The following IQCM variants were observed in gnomAD, a reference collection of about 807,000 sequenced individuals.
The protein encoded by IQCM is IQ motif containing M, also known as IQ domain-containing protein M.
Under a neutral mutation model 57.6 loss-of-function variants are expected in IQCM, and 45 were observed. The ratio of observed to expected loss-of-function variants is 0.78; its 90% confidence interval spans 0.62 to 1.00. IQCM has a LOEUF of 1.00. Among genes scored for constraint, IQCM ranks in the 50% least tolerant of loss-of-function variants. The probability of loss-of-function intolerance (pLI) is 0.00; values close to 1 mark genes in which losing one functional copy is unlikely to be tolerated. For missense variants in IQCM, 468 were observed against 511.6 expected (o/e 0.91, Z 0.82); for synonymous variants, 148 against 158.9 (o/e 0.93, Z 0.51).
intron 13 of IQCM, among the ~76,000 whole-genome samples, chr4:149,383,830 T>A (rs1345193872): frequency 1.3e-5 from 2 of 152,036 alleles, no homozygotes; most frequent in Non-Finnish European, 2.9e-5. Context: ...TGCATGGCTG[T>A]AATCCCAGCT....
At chr4:149,486,690 G>C (rs1741559343) in intron 12 of IQCM, among the ~76,000 whole-genome samples, 1 of 152,174 alleles carries the variant, frequency 6.6e-6, no homozygotes, top group Non-Finnish European at 1.5e-5. Flanking sequence ...AGGTTGCAGT[G>C]AGCCAAGATT....
rs1321247485 is a variant in IQCM at position 149,481,147 on chromosome 4, T to G, written c.1229-47590A>C. Among the ~76,000 whole-genome samples, 11 of 152,304 alleles carry G rather than the reference T, an allele frequency of 7.2e-5. No homozygotes were observed. In the South Asian group the frequency reaches 2.3e-3, roughly 32 times the overall value. ...AGTTGTTTGAACACCTTCTATATTT[T>G]GGTTATTAATCCCTTGTCAGGTGGA... On this transcript the variant is annotated intron_variant, in intron 12 of 13. Coordinates refer to ENST00000636793, the MANE Select transcript of IQCM (RefSeq NM_001363507.2).
chr4:149,584,058 C>A (rs1016548081), intron 9 of IQCM, among the ~76,000 whole-genome samples: 5 of 151,326 alleles, frequency 3.3e-5, no homozygotes, highest in African/African-American at 1.2e-4. Context: ...AAATTAAGAA[C>A]AACATTTATT....
At chr4:149,674,953 A>C (rs990285825) in intron 7 of IQCM, among the ~76,000 whole-genome samples, 1 of 152,104 alleles carries the variant, frequency 6.6e-6, no homozygotes, top group East Asian at 1.9e-4. Context: ...AATTGTCAGC[A>C]TATAGGTGGT....
intron 12 of IQCM, among the ~76,000 whole-genome samples, chr4:149,441,673 T>C (rs961841373): frequency 2.0e-5 from 3 of 152,136 alleles, no homozygotes; most frequent in Admixed American, 1.3e-4. Context: ...GTTCTACTGA[T>C]TTAAATTTTT....
At chr4:149,500,665 C>T (rs772098139) in intron 12 of IQCM, among the ~76,000 whole-genome samples, 3 of 152,128 alleles carry the variant, frequency 2.0e-5, no homozygotes, top group Non-Finnish European at 4.4e-5. Flanking sequence ...AAAGAAAATA[C>T]TGGGACAGGT....
intron 12 of IQCM, among the ~76,000 whole-genome samples, chr4:149,455,134 C>T (rs566442677): frequency 1.3e-5 from 2 of 152,124 alleles, no homozygotes; most frequent in African/African-American, 2.4e-5. Flanking sequence ...ATGTATGATA[C>T]GTTTATTAGA....
intron 12 of IQCM, among the ~76,000 whole-genome samples, chr4:149,494,982 A>T (rs1742503863): frequency 6.6e-6 from 1 of 152,040 alleles, no homozygotes; most frequent in Non-Finnish European, 1.5e-5. Flanking sequence ...GGTCTTCAGG[A>T]TTGGAACTGG....
chr4:149,528,293 A>G (rs896688752), intron 12 of IQCM, among the ~76,000 whole-genome samples: 15 of 152,030 alleles, frequency 9.9e-5, no homozygotes, highest in African/African-American at 3.6e-4. Context: ...GCCTATCTTG[A>G]TTTTTAAATA....
chr4:149,757,785 T>A (rs1247692191), intron 2 of IQCM, among the ~76,000 whole-genome samples: 1 of 151,652 alleles, frequency 6.6e-6, no homozygotes, highest in Non-Finnish European at 1.5e-5. Flanking sequence ...GCAGAAAAAA[T>A]ACATATTCTT....
chr4:149,494,305 G>A (rs1181006320), intron 12 of IQCM, among the ~76,000 whole-genome samples: 1 of 151,902 alleles, frequency 6.6e-6, no homozygotes, highest in Non-Finnish European at 1.5e-5. Context: ...AACAAATAAG[G>A]GAATATAAAG....
At chr4:149,454,679 A>T (rs1050260813) in intron 12 of IQCM, among the ~76,000 whole-genome samples, 1 of 152,068 alleles carries the variant, frequency 6.6e-6, no homozygotes, top group Admixed American at 6.6e-5. Flanking sequence ...GTAATAAAAA[A>T]CAGTGAAGTA....
intron 12 of IQCM, among the ~76,000 whole-genome samples, chr4:149,451,860 C>G (rs1737156240): frequency 6.6e-6 from 1 of 151,582 alleles, no homozygotes; most frequent in African/African-American, 2.4e-5. Flanking sequence ...AGTGGTGATT[C>G]CACCTAGTGC....
chr4:149,370,426 A>G (rs1050394649), intron 13 of IQCM, among the ~76,000 whole-genome samples: 2 of 152,164 alleles, frequency 1.3e-5, no homozygotes, highest in African/African-American at 4.8e-5. Flanking sequence ...ATTTCTCAAT[A>G]AACTTTAGCT....
intron 7 of IQCM, among the ~76,000 whole-genome samples, chr4:149,622,443 C>T (rs1026018264): frequency 1.3e-5 from 2 of 151,368 alleles, no homozygotes; most frequent in African/African-American, 2.4e-5. Flanking sequence ...CCCAGGTTCA[C>T]GCCGTTCTCC....
chr4:149,439,602 A>G (rs7668351), intron 12 of IQCM, among the ~76,000 whole-genome samples: 57,335 of 151,834 alleles, frequency 0.38, 11,870 homozygotes, highest in East Asian at 0.51. Context: ...TGTACTGGAA[A>G]TAATACAAAC....
chr4:149,616,062 A>G (rs1755766249), intron 8 of IQCM, among the ~76,000 whole-genome samples: 3 of 152,178 alleles, frequency 2.0e-5, no homozygotes, highest in Admixed American at 2.0e-4. Context: ...AAAATTAAAC[A>G]GAGAAATACA....
intron 2 of IQCM, 118 bp downstream of exon 2, chr4:149,815,193 T>TG (rs1478732785): frequency 2.6e-5 from 4 of 151,864 alleles, no homozygotes; most frequent in Admixed American, 1.3e-4. Context: ...CGAAGCTACA[T>TG]GGGGGGTATA....
At chr4:149,623,451 C>A (rs1756522170) in intron 7 of IQCM, among the ~76,000 whole-genome samples, 1 of 152,282 alleles carries the variant, frequency 6.6e-6, no homozygotes, top group East Asian at 1.9e-4. Context: ...TATAACTTTT[C>A]CGCTTCAGGA....
Sources: gnomAD v4.1 joint callset for allele counts (sites outside exome capture counted in the v4.1 genomes callset) on GRCh38, gnomAD v4.1.1 for gene constraint, MANE v1.5 for transcripts, NCBI Gene and HGNC (gene_info 2026-07-23, HGNC 2026-07-21) for gene names.